Variants in GALNT18 observed in about 807,000 individuals in gnomAD.
GALNT18 encodes polypeptide N-acetylgalactosaminyltransferase 18.
GALNT18 carries 44 observed loss-of-function variants against 69.5 expected under a neutral mutation model. That is an observed-to-expected ratio of 0.63 (90% CI 0.50 to 0.81). GALNT18 has a LOEUF of 0.81. Ranked by LOEUF, GALNT18 falls within the 40% of genes least tolerant of loss-of-function variation. The pLI is 0.00. For synonymous variants in GALNT18, 364 were observed against 318.2 expected, an observed-to-expected ratio of 1.14 and a Z score of -1.53; for missense variants, 715 against 810.0, an observed-to-expected ratio of 0.88 and a Z score of 1.42.
rs1051414422 is a variant in GALNT18, at chr11:11,347,187, C to G, written c.1093-6183G>C. On this transcript the variant is annotated intron_variant, in intron 6 of 10. Coordinates refer to ENST00000227756, the MANE Select transcript of GALNT18 (RefSeq NM_198516.3). The surrounding 1 kb of genome is among the most constrained non-coding windows in gnomAD (Gnocchi z 4.0). ...GCTGGACTCAATGTTGTCTTAGGTC[C>G]CCTCTACTTTTTGTATTCTGTGATT... Among the ~76,000 whole-genome samples the G allele has an allele frequency of 6.6e-6, 1 of 152,178 alleles. No individual in the cohort carries two copies. Among genetic ancestry groups the G allele is most frequent in the Non-Finnish European group, 1.5e-5 (1 of 68,034 alleles).
chr11:11,404,853 C>T lies in GALNT18; in HGVS notation c.596-25589G>A, dbSNP rs1312895578. Reference sequence around the variant, plus strand: ...TCAACTTGAACATGCCCCAGCCACACCTAACCCAGACCTCAGCAGACCCGG... The same window carrying T: ...TCAACTTGAACATGCCCCAGCCACATCTAACCCAGACCTCAGCAGACCCGG... On this transcript the variant is annotated intron_variant, in intron 3 of 10. Transcript: ENST00000227756. This position sits in a 1 kb window ranked among gnomAD's most constrained non-coding sequence, Gnocchi z 4.5. 6.6e-6 allele frequency among the ~76,000 whole-genome samples: 1 copy of T among 152,176 alleles called. No homozygotes were observed. The highest frequency in any genetic ancestry group is 1.9e-4 in the East Asian group (1 of 5,190).
intron 1 of GALNT18, among the ~76,000 whole-genome samples, chr11:11,575,378 G>T (rs11602602): frequency 0.25 from 38,422 of 152,054 alleles, 6,342 homozygotes; most frequent in African/African-American, 0.46. Flanking sequence ...CTAAACAGCT[G>T]TAGGCCCACT....
intron 6 of GALNT18, among the ~76,000 whole-genome samples, chr11:11,362,814 T>C (rs1850673246): frequency 1.3e-5 from 2 of 152,180 alleles, no homozygotes; most frequent in East Asian, 1.9e-4. Flanking sequence ...GCATTTACCC[T>C]TTGACTTCGC....
chr11:11,607,234 A>C (rs1437756461), intron 1 of GALNT18, among the ~76,000 whole-genome samples: 1 of 152,260 alleles, frequency 6.6e-6, no homozygotes, highest in Non-Finnish European at 1.5e-5. Context: ...CTTGTTGAAA[A>C]ATAAGCAAAA....
chr11:11,426,130 G>A (rs1337932321), intron 3 of GALNT18, among the ~76,000 whole-genome samples: 2 of 152,220 alleles, frequency 1.3e-5, no homozygotes. Context: ...GCTTGCAGAG[G>A]TTGGGTAACG....
rs1175024267 is a variant in GALNT18, at chr11:11,542,857, G to T, written c.235+78502C>A. Among the ~76,000 whole-genome samples the T allele has an allele frequency of 6.6e-6, 1 of 152,200 alleles. No homozygotes were observed. Among genetic ancestry groups the T allele is most frequent in the Admixed American group, 6.5e-5 (1 of 15,282 alleles). On this transcript the variant is annotated intron_variant, in intron 1 of 10. Transcript: ENST00000227756. The surrounding 1 kb of genome is among the most constrained non-coding windows in gnomAD (Gnocchi z 4.3). Reference sequence around the variant, plus strand: ...GTTTTGTTTTGCTTTGCTTTGCTTTGCTTTCTGAGACTCAGCCACAGCCTT... The same window carrying T: ...GTTTTGTTTTGCTTTGCTTTGCTTTTCTTTCTGAGACTCAGCCACAGCCTT...
chr11:11,379,057 C>T (rs750351312), intron 4 of GALNT18, 24 bp downstream of exon 4: 17 of 1,554,040 alleles, frequency 1.1e-5, no homozygotes, highest in Non-Finnish European at 1.4e-5. Flanking sequence ...TGGGACTCCT[C>T]CTCCTCTCCC....
Position 11,293,113 on chromosome 11 carries a change from C to G in GALNT18, c.1593G>C (p.Leu531=), listed in dbSNP as rs1293816368. The G allele has an allele frequency of 1.5e-6, 2 of 1,377,862 alleles. No individual in the cohort carries two copies. The highest frequency in any genetic ancestry group is 2.8e-5 in the East Asian group (1 of 36,106). The allele number at this position is 1,377,862 out of a possible 1,614,324, so 85.4% of individuals were successfully genotyped here. ...GCCGGGGCCGGCTGTTGACGTCCAC[C>G]AGGCATCGGTTGTCATCATCATCCA... is the stretch of plus-strand genomic sequence containing the variant. The part of the protein sequence containing the change: ...PTVDDDDNRC[L]VDVNSRPRLI... The change falls in exon 10 of 11, where the codon CTG becomes CTC. Residue 531 remains leucine (L), a synonymous_variant. Transcript: ENST00000227756.
At chr11:11,424,368 G>C (rs1013555533) in intron 3 of GALNT18, among the ~76,000 whole-genome samples, 3 of 152,136 alleles carry the variant, frequency 2.0e-5, no homozygotes, top group Non-Finnish European at 2.9e-5. Context: ...CAGGGCCAGC[G>C]GGCCTGGATT....
At position 11,430,186 on chromosome 11, in the gene GALNT18, C is replaced by T. The variant is rs1161824147; in HGVS notation, c.595+2435G>A. On this transcript the variant is annotated intron_variant, in intron 3 of 10. Coordinates refer to ENST00000227756, the MANE Select transcript of GALNT18 (RefSeq NM_198516.3). This position sits in a 1 kb window ranked among gnomAD's most constrained non-coding sequence, Gnocchi z 4.9. ...TTTTAAAACAGCGATGTCTAGAACC[C>T]TCTTTGAACTCACTGAACCAGAATC... Among the ~76,000 whole-genome samples, 1 of 152,164 alleles carries T rather than the reference C, an allele frequency of 6.6e-6. No homozygotes were observed. The highest frequency in any genetic ancestry group is 2.4e-5 in the African/African-American group (1 of 41,446).
At chr11:11,434,135 G>A (rs1311424519) in intron 2 of GALNT18, among the ~76,000 whole-genome samples, 1 of 152,144 alleles carries the variant, frequency 6.6e-6, no homozygotes, top group African/African-American at 2.4e-5. Context: ...GCCTGCTTAA[G>A]AGCATGAGAT....
intron 9 of GALNT18, among the ~76,000 whole-genome samples, chr11:11,298,241 G>C (rs2133013057): frequency 6.6e-6 from 1 of 152,386 alleles, no homozygotes; most frequent in Middle Eastern, 3.4e-3. Context: ...CTCTGCCACA[G>C]CTTCAGGAAG....
In GALNT18 at chr11:11,402,240, G is replaced by C. The variant is rs1263470948; in HGVS notation, c.596-22976C>G. On this transcript the variant is annotated intron_variant, in intron 3 of 10. Transcript: ENST00000227756. This position sits in a 1 kb window ranked among gnomAD's most constrained non-coding sequence, Gnocchi z 4.0. ...TACCCTTCAGAGTGTTTATAGAACA[G>C]AGATTGTCTTAAACGATCCAGCCTG... Among the ~76,000 whole-genome samples the C allele has an allele frequency of 6.6e-6, 1 of 152,204 alleles. No individual in the cohort carries two copies. Among genetic ancestry groups the C allele is most frequent in the Admixed American group, 6.5e-5 (1 of 15,284 alleles).
Position 11,404,825 on chromosome 11 carries a change from G to C in GALNT18, c.596-25561C>G, listed in dbSNP as rs1439736042. ...TCAGCTATGATTTCACCACCACCTG[G>C]CCTCAACTTGAACATGCCCCAGCCA... On this transcript the variant is annotated intron_variant, in intron 3 of 10. Transcript: ENST00000227756. This position sits in a 1 kb window ranked among gnomAD's most constrained non-coding sequence, Gnocchi z 4.5. Among the ~76,000 whole-genome samples, 1 of 152,010 alleles carries C rather than the reference G, an allele frequency of 6.6e-6. No individual in the cohort carries two copies. Among genetic ancestry groups the C allele is most frequent in the Non-Finnish European group, 1.5e-5 (1 of 67,992 alleles).
At chr11:11,287,597 C>T (rs11021754) in intron 10 of GALNT18, among the ~76,000 whole-genome samples, 5,269 of 152,136 alleles carry the variant, frequency 0.035, 326 homozygotes, top group East Asian at 0.21. Context: ...AATCTCAGTA[C>T]GAAGGCTACT....
intron 10 of GALNT18, among the ~76,000 whole-genome samples, chr11:11,282,620 G>A (rs1179699309): frequency 6.6e-6 from 1 of 152,110 alleles, no homozygotes; most frequent in East Asian, 1.9e-4. Context: ...TCACAGTGGT[G>A]GTGAACTAGA....
chr11:11,457,783 T>C (rs1018763693), intron 1 of GALNT18, among the ~76,000 whole-genome samples: 1 of 149,070 alleles, frequency 6.7e-6, no homozygotes, highest in Non-Finnish European at 1.5e-5. Flanking sequence ...TGTCCCTCTC[T>C]CAGGCAGAGG....
chr11:11,421,774 G>T lies in GALNT18; in HGVS notation c.595+10847C>A, dbSNP rs1203491979. Among the ~76,000 whole-genome samples, 1 of 152,164 alleles carries T rather than the reference G, an allele frequency of 6.6e-6. No individual in the cohort carries two copies. Among genetic ancestry groups the T allele is most frequent in the Admixed American group, 6.5e-5 (1 of 15,282 alleles). On this transcript the variant is annotated intron_variant, in intron 3 of 10. Coordinates refer to ENST00000227756, the MANE Select transcript of GALNT18 (RefSeq NM_198516.3). This position sits in a 1 kb window ranked among gnomAD's most constrained non-coding sequence, Gnocchi z 5.6. ...AGAGTCTCTGCAGAGGTCAGGACTG[G>T]CCACGCTGCTAGCACACAGCATCTT... is the stretch of plus-strand genomic sequence containing the variant.
chr11:11,403,580 TGGAAC>T (rs1854516164), intron 3 of GALNT18, among the ~76,000 whole-genome samples: 5 of 152,336 alleles, frequency 3.3e-5, no homozygotes, highest in Middle Eastern at 3.4e-3. Context: ...TTCTTCCCTC[TGGAAC>T]TTCTCCTTCT....
Sources: allele counts gnomAD v4.1 joint callset (sites outside exome capture counted in the v4.1 genomes callset), GRCh38; gene constraint gnomAD v4.1.1; non-coding constraint Gnocchi (gnomAD v3.1); transcripts MANE v1.5; gene names NCBI Gene and HGNC (gene_info 2026-07-23, HGNC 2026-07-21).